The following FAM227B variants were observed in gnomAD, a reference collection of about 807,000 sequenced individuals.
FAM227B encodes the protein family with sequence similarity 227 member B.
In FAM227B, 88 loss-of-function variants were observed where a neutral mutation model predicts 73.8. The ratio of observed to expected loss-of-function variants is 1.19; its 90% confidence interval spans 1.00 to 1.42. The LOEUF is 1.42. Among genes scored for constraint, FAM227B ranks in the 40% most tolerant of loss-of-function variants. The probability of loss-of-function intolerance (pLI) is 0.00; values close to 1 mark genes in which losing one functional copy is unlikely to be tolerated. For synonymous variants in FAM227B, 210 were observed against 190.5 expected, an observed-to-expected ratio of 1.10 and a Z score of -0.84; for missense variants, 632 against 590.9, an observed-to-expected ratio of 1.07 and a Z score of -0.72.
At chr15:49,521,158 G>A (rs950948855) in intron 10 of FAM227B, among the ~76,000 whole-genome samples, 4 of 152,120 alleles carry the variant, frequency 2.6e-5, no homozygotes, top group Admixed American at 6.5e-5. Flanking sequence ...TCTCATCCAG[G>A]GAATCTTAGC....
At chr15:49,338,096 G>T (rs2040071685) in intron 13 of FAM227B, among the ~76,000 whole-genome samples, 2 of 152,236 alleles carry the variant, frequency 1.3e-5, no homozygotes, top group African/African-American at 2.4e-5. Flanking sequence ...TTCCATTGTT[G>T]TGTCTTTTAA....
At chr15:49,422,483 C>T (rs962951776) in intron 11 of FAM227B, 1 of 1,247,538 alleles carries the variant, frequency 8.0e-7, no homozygotes. Flanking sequence ...GAAACCATTT[C>T]CTCCTTTTTA....
intron 8 of FAM227B, among the ~76,000 whole-genome samples, chr15:49,570,825 A>ATT (rs1260321378): frequency 6.8e-6 from 1 of 147,376 alleles, no homozygotes; most frequent in African/African-American, 2.5e-5. Flanking sequence ...ATATTTTTAT[A>ATT]TTATATATAA....
chr15:49,397,297 A>G (rs2047754355), intron 11 of FAM227B, among the ~76,000 whole-genome samples: 1 of 152,176 alleles, frequency 6.6e-6, no homozygotes, highest in Admixed American at 6.5e-5. Context: ...AGTTTAGAGA[A>G]AAAAGAATAA....
chr15:49,416,727 C>T (rs2049237061), intron 11 of FAM227B, among the ~76,000 whole-genome samples: 1 of 151,446 alleles, frequency 6.6e-6, no homozygotes, highest in Admixed American at 6.6e-5. Flanking sequence ...AAGCTGAAAG[C>T]CAAATCAGGA....
intron 11 of FAM227B, among the ~76,000 whole-genome samples, chr15:49,494,642 T>G (rs765369098): frequency 1.3e-5 from 2 of 152,162 alleles, no homozygotes; most frequent in Non-Finnish European, 2.9e-5. Context: ...GGTATATGTA[T>G]GCCTGCTACA....
At chr15:49,405,166 C>G (rs1196941733) in intron 11 of FAM227B, among the ~76,000 whole-genome samples, 1 of 152,160 alleles carries the variant, frequency 6.6e-6, no homozygotes, top group Non-Finnish European at 1.5e-5. Context: ...TGATCTTTCT[C>G]TCTAGCTGCC....
chr15:49,498,187 C>A (rs1371315546), intron 11 of FAM227B, among the ~76,000 whole-genome samples: 1 of 152,128 alleles, frequency 6.6e-6, no homozygotes, highest in Non-Finnish European at 1.5e-5. Flanking sequence ...GACTGATAGG[C>A]AGTACGTGAA....
intron 2 of FAM227B, among the ~76,000 whole-genome samples, chr15:49,612,089 G>C (rs565889303): frequency 6.6e-6 from 1 of 151,190 alleles, no homozygotes; most frequent in Non-Finnish European, 1.5e-5. Flanking sequence ...ATTCCTTGGA[G>C]AGGCTATTTT....
chr15:49,421,224 C>T (rs1018081564), intron 11 of FAM227B, among the ~76,000 whole-genome samples: 1 of 152,140 alleles, frequency 6.6e-6, no homozygotes, highest in Non-Finnish European at 1.5e-5. Context: ...CTGGAGAATT[C>T]ATTTAGAAGC....
intron 9 of FAM227B, among the ~76,000 whole-genome samples, chr15:49,556,036 C>T (rs576613998): frequency 2.6e-5 from 4 of 152,156 alleles, no homozygotes; most frequent in South Asian, 4.2e-4. Context: ...AGGTTATTAT[C>T]GATGCATATT....
intron 5 of FAM227B, among the ~76,000 whole-genome samples, chr15:49,579,525 TGA>T (rs1369867344): frequency 6.6e-6 from 1 of 152,168 alleles, no homozygotes; most frequent in Non-Finnish European, 1.5e-5. Context: ...GTCTGTTAAG[TGA>T]AATAAGGCAC....
At chr15:49,501,219 G>A (rs2058104135) in intron 11 of FAM227B, among the ~76,000 whole-genome samples, 1 of 152,168 alleles carries the variant, frequency 6.6e-6, no homozygotes, top group Non-Finnish European at 1.5e-5. Context: ...GGAAGAGTGT[G>A]GAAGGCTCAG....
At chr15:49,578,824 G>A (rs555580122) in intron 5 of FAM227B, among the ~76,000 whole-genome samples, 2 of 152,100 alleles carry the variant, frequency 1.3e-5, no homozygotes, top group Non-Finnish European at 2.9e-5. Flanking sequence ...TAAAACAGGA[G>A]GCTGCTGTAC....
At chr15:49,429,565 G>C (rs1451417998) in intron 11 of FAM227B, among the ~76,000 whole-genome samples, 1 of 151,848 alleles carries the variant, frequency 6.6e-6, no homozygotes, top group Non-Finnish European at 1.5e-5. Context: ...GAATTACAGA[G>C]AATGGAAGAA....
At chr15:49,559,877 G>A (rs1250693520) in intron 9 of FAM227B, among the ~76,000 whole-genome samples, 1 of 152,000 alleles carries the variant, frequency 6.6e-6, no homozygotes, top group African/African-American at 2.4e-5. Flanking sequence ...GGAGACTGCA[G>A]TTGAGCTGAG....
intron 11 of FAM227B, among the ~76,000 whole-genome samples, chr15:49,480,599 A>G (rs958232925): frequency 1.3e-5 from 2 of 148,960 alleles, no homozygotes; most frequent in African/African-American, 5.0e-5. Flanking sequence ...CTCCTGCTTC[A>G]GCCTCCTGAG....
intron 1 of FAM227B, among the ~76,000 whole-genome samples, chr15:49,617,748 G>A (rs2078381310): frequency 6.6e-6 from 1 of 151,758 alleles, no homozygotes; most frequent in Middle Eastern, 3.4e-3. Context: ...TCTGAAATGG[G>A]TCTGCAGGGC....
chr15:49,494,983 T>C (rs2057468161), intron 11 of FAM227B, among the ~76,000 whole-genome samples: 1 of 152,200 alleles, frequency 6.6e-6, no homozygotes, highest in Admixed American at 6.5e-5. Flanking sequence ...AATAGAAATA[T>C]ATCACATTGT....
Sources: gnomAD v4.1 joint callset for allele counts (sites outside exome capture counted in the v4.1 genomes callset) on GRCh38, gnomAD v4.1.1 for gene constraint, MANE v1.5 for transcripts, NCBI Gene and HGNC (gene_info 2026-07-23, HGNC 2026-07-21) for gene names.